KLF8: variants seen among roughly 807,000 people sequenced by gnomAD.
KLF8 encodes Krueppel-like factor 8.
A neutral mutation model predicts 18.2 loss-of-function variants in KLF8; 10 were observed. That is an observed-to-expected ratio of 0.55 (90% CI 0.34 to 0.93). The LOEUF is 0.93. Ranked by LOEUF, KLF8 falls within the 40% of genes least tolerant of loss-of-function variation. The probability of loss-of-function intolerance (pLI) is 0.02; values close to 1 mark genes in which losing one functional copy is unlikely to be tolerated. For synonymous variants in KLF8, 109 were observed against 97.3 expected (o/e 1.12, Z -0.71); for missense variants, 264 against 277.9 (o/e 0.95, Z 0.36).
the KLF8 span, among the ~76,000 whole-genome samples, chrX:55,920,443 A>G: frequency 1.8e-5 from 2 of 112,010 alleles, no homozygotes; most frequent in Non-Finnish European, 3.8e-5. Context: ...TGCGAGAAAA[A>G]GAATTCAGAA....
At chrX:56,189,438 C>G in the KLF8 span, among the ~76,000 whole-genome samples, 1 of 111,370 alleles carries the variant, frequency 9.0e-6, no homozygotes, top group Admixed American at 9.6e-5. Context: ...TAAACTAGTT[C>G]AACCCTTGTG....
intron 5 of KLF8, among the ~76,000 whole-genome samples, chrX:56,270,544 C>A (rs1263030550): frequency 1.8e-5 from 2 of 110,945 alleles, no homozygotes; most frequent in Non-Finnish European, 3.8e-5. Flanking sequence ...TTTCTTGTCC[C>A]TACTCTAAGG....
At chrX:56,074,168 A>G in the KLF8 span, among the ~76,000 whole-genome samples, 4 of 112,019 alleles carry the variant, frequency 3.6e-5, no homozygotes, top group South Asian at 1.1e-3. Flanking sequence ...TGTAGGTATT[A>G]TTTACGTATT....
At chrX:56,149,529 C>T in the KLF8 span, among the ~76,000 whole-genome samples, 1 of 110,759 alleles carries the variant, frequency 9.0e-6, no homozygotes, top group Non-Finnish European at 1.9e-5. Context: ...CAAACCTCAG[C>T]ATCAAACAAT....
At chrX:56,199,695 T>A in the KLF8 span, among the ~76,000 whole-genome samples, 3 of 111,832 alleles carry the variant, frequency 2.7e-5, no homozygotes, top group Non-Finnish European at 5.6e-5. Context: ...GATCTAGAAC[T>A]AGAATTACCA....
At chrX:56,187,467 C>T in the KLF8 span, among the ~76,000 whole-genome samples, 1 of 111,720 alleles carries the variant, frequency 9.0e-6, no homozygotes, top group African/African-American at 3.3e-5. Context: ...GGTACTATTC[C>T]TTCTGAAACT....
chrX:56,195,385 G>A, the KLF8 span, among the ~76,000 whole-genome samples: 3 of 112,190 alleles, frequency 2.7e-5, no homozygotes, highest in East Asian at 2.8e-4. Flanking sequence ...AGAGAAGACC[G>A]TAGATGACCT....
chrX:56,240,024 G>A (rs2066523996), intron 1 of KLF8, among the ~76,000 whole-genome samples: 1 of 111,970 alleles, frequency 8.9e-6, no homozygotes, highest in South Asian at 3.7e-4. Context: ...TCAATGATGC[G>A]GTTGTTTCAT....
At chrX:56,108,250 T>C in the KLF8 span, among the ~76,000 whole-genome samples, 6 of 112,202 alleles carry the variant, frequency 5.3e-5, no homozygotes, top group East Asian at 1.7e-3. Context: ...TGAATAGCAG[T>C]GTTGAAAGCA....
At chrX:55,948,260 G>T in the KLF8 span, among the ~76,000 whole-genome samples, 2 of 112,226 alleles carry the variant, frequency 1.8e-5, no homozygotes, top group African/African-American at 3.2e-5. Flanking sequence ...TTTAGGCTTT[G>T]CAGGCCATAT....
the KLF8 span, among the ~76,000 whole-genome samples, chrX:56,062,054 G>C: frequency 2.1e-5 from 2 of 95,294 alleles, no homozygotes; most frequent in Non-Finnish European, 4.0e-5. Context: ...GCCTAGGTGT[G>C]TCTTTGCATG....
chrX:56,004,332 G>C, the KLF8 span, among the ~76,000 whole-genome samples: 4 of 112,070 alleles, frequency 3.6e-5, no homozygotes, highest in Middle Eastern at 4.6e-3. Context: ...ATCAGTCAGG[G>C]TTCCAGAAGA....
At chrX:56,014,564 T>A in the KLF8 span, among the ~76,000 whole-genome samples, 1 of 112,305 alleles carries the variant, frequency 8.9e-6, no homozygotes, top group Non-Finnish European at 1.9e-5. Context: ...TGGAAGACAG[T>A]GTGGCTATTC....
At chrX:55,923,705 C>CGTGT in the KLF8 span, among the ~76,000 whole-genome samples, 712 of 98,299 alleles carry the variant, frequency 7.2e-3, 5 homozygotes, top group African/African-American at 0.016. Context: ...TAAAGATCCA[C>CGTGT]GTGTGTGTGT....
At chrX:56,251,785 T>C (rs1476327093) in intron 2 of KLF8, among the ~76,000 whole-genome samples, 2 of 110,929 alleles carry the variant, frequency 1.8e-5, no homozygotes, top group Non-Finnish European at 3.8e-5. Flanking sequence ...TGTAGGTACA[T>C]AGTAGGCGTA....
the KLF8 span, among the ~76,000 whole-genome samples, chrX:56,021,687 A>G: frequency 1.8e-5 from 2 of 110,607 alleles, no homozygotes; most frequent in African/African-American, 3.3e-5. Flanking sequence ...CAGGAAATAC[A>G]AAGTACAGAA....
the KLF8 span, among the ~76,000 whole-genome samples, chrX:56,023,634 A>G: frequency 9.3e-6 from 1 of 107,964 alleles, no homozygotes; most frequent in Non-Finnish European, 1.9e-5. Flanking sequence ...TGTTATATAC[A>G]CTGGTATTCA....
chrX:55,920,008 C>T, the KLF8 span, among the ~76,000 whole-genome samples: 5 of 112,111 alleles, frequency 4.5e-5, no homozygotes, highest in African/African-American at 1.6e-4. Context: ...TGCACCAAGT[C>T]CACTTCACTT....
chrX:56,204,181 G>A, the KLF8 span, among the ~76,000 whole-genome samples: 2 of 111,288 alleles, frequency 1.8e-5, no homozygotes, highest in African/African-American at 3.3e-5. Flanking sequence ...TTTTTTGTGT[G>A]GCCATTGTAA....
Sources: gnomAD v4.1 joint callset for allele counts (sites outside exome capture counted in the v4.1 genomes callset) on GRCh38, gnomAD v4.1.1 for gene constraint, MANE v1.5 for transcripts, NCBI Gene and HGNC (gene_info 2026-07-23, HGNC 2026-07-21) for gene names.